Variants in SH3BP1 observed in about 807,000 individuals in gnomAD.
SH3BP1 encodes the protein SH3 domain binding protein 1.
Under a neutral mutation model 69.8 loss-of-function variants are expected in SH3BP1, and 46 were observed. That is an observed-to-expected ratio of 0.66 (90% CI 0.52 to 0.84). SH3BP1 has a LOEUF of 0.84. Ranked by LOEUF, SH3BP1 falls within the 40% of genes least tolerant of loss-of-function variation. The probability of loss-of-function intolerance (pLI) is 0.00; values close to 1 mark genes in which losing one functional copy is unlikely to be tolerated. For synonymous variants in SH3BP1, 403 were observed against 378.0 expected, an observed-to-expected ratio of 1.07 and a Z score of -0.77; for missense variants, 868 against 930.9, an observed-to-expected ratio of 0.93 and a Z score of 0.88.
Position 37,641,180 on chromosome 22 carries a change from G to T in SH3BP1, c.102+12G>T, listed in dbSNP as rs1222128123. On this transcript the variant is annotated intron_variant, in intron 2 of 17. Coordinates refer to ENST00000649765, the MANE Select transcript of SH3BP1 (RefSeq NM_018957.6). ...AGGACCTGCTGCAGGTACGTGCCTG[G>T]GCCGGGCAGGTGGGAAGGCAGGCCT... 6 of 1,550,302 alleles carry T rather than the reference G, an allele frequency of 3.9e-6. No individual in the cohort carries two copies. The highest frequency in any genetic ancestry group is 5.2e-6 in the Non-Finnish European group (6 of 1,147,052).
chr22:37,643,493 G>A, intron 6 of SH3BP1, 151 bp from the exon 7 acceptor site: 4 of 1,125,240 alleles, frequency 3.6e-6, no homozygotes, highest in South Asian at 1.5e-5. Context: ...GAGCACTCAT[G>A]GCCCAGCCTG....
chr22:37,641,883 A>T (rs1451935102), intron 3 of SH3BP1: 1 of 208,032 alleles, frequency 4.8e-6, no homozygotes, highest in Non-Finnish European at 9.9e-6. Context: ...TTACTAACAT[A>T]TGAGTGCACT....
chr22:37,647,459 C>A lies in SH3BP1; in HGVS notation c.1137C>A (p.Ala379=), dbSNP rs1476190492. The change falls in exon 13 of 18, where the codon GCC becomes GCA. Residue 379 remains alanine (A), a synonymous_variant. Coordinates refer to ENST00000649765, the MANE Select transcript of SH3BP1 (RefSeq NM_018957.6). The part of the protein sequence containing the change: ...MRAASLKEPG[A]RLQALQEVCS... The stretch of plus-strand genomic sequence containing the variant: ...CCCCCAGCCTGAAGGAGCCAGGGGC[C>A]CGGCTGCAGGCCCTCCAAGAGGTGT... 1 of 1,611,446 alleles carries A rather than the reference C, an allele frequency of 6.2e-7. No homozygotes were observed. The highest frequency in any genetic ancestry group is 8.5e-7 in the Non-Finnish European group (1 of 1,179,580).
At chr22:37,650,070 T>C (rs1932848605) in intron 14 of SH3BP1, 82 bp from the exon 15 acceptor site, 5 of 1,429,188 alleles carry the variant, frequency 3.5e-6, no homozygotes, top group Non-Finnish European at 4.9e-6. Flanking sequence ...TGGATCCTTG[T>C]GTCTCCATTG....
At position 37,641,165 on chromosome 22, in the gene SH3BP1, G is replaced by A; in HGVS notation, c.99G>A (p.Leu33=). 6.5e-7 allele frequency: 1 copy of A among 1,547,094 alleles called. No individual in the cohort carries two copies. The highest frequency in any genetic ancestry group is 1.2e-5 in the South Asian group (1 of 83,896). Residue 33 remains leucine (L), a synonymous_variant, in exon 2 of 18, where the codon CTG becomes CTA. Coordinates refer to ENST00000649765, the MANE Select transcript of SH3BP1 (RefSeq NM_018957.6). ...ETAEFLGEDL[L]QVEQRLEPAK... The stretch of plus-strand genomic sequence containing the variant: ...CTGAGTTCCTGGGTGAGGACCTGCT[G>A]CAGGTACGTGCCTGGGCCGGGCAGG...
At position 37,650,690 on chromosome 22, in the gene SH3BP1, G is replaced by C. The variant is rs781142308; in HGVS notation, c.1563G>C (p.Pro521=). 10 of 1,612,994 alleles carry C rather than the reference G, an allele frequency of 6.2e-6. No homozygotes were observed. Among genetic ancestry groups the C allele is most frequent in the Non-Finnish European group, 8.5e-6 (10 of 1,179,562 alleles). The part of the protein sequence containing the change: ...PAPAPAPAPA[P]APALASAATK... ...CGGCTCCGGCTCCAGCTCCAGCTCCGGCCCCAGCCTTGGCTTCAGCAGCTA... is the reference window on the plus strand; with the variant it reads ...CGGCTCCGGCTCCAGCTCCAGCTCCCGCCCCAGCCTTGGCTTCAGCAGCTA... Residue 521 remains proline (P), a synonymous_variant, in exon 16 of 18, where the codon CCG becomes CCC. Coordinates refer to ENST00000649765, the MANE Select transcript of SH3BP1 (RefSeq NM_018957.6).
intron 14 of SH3BP1, among the ~76,000 whole-genome samples, chr22:37,649,041 T>A (rs1434620103): frequency 6.6e-6 from 1 of 151,836 alleles, no homozygotes; most frequent in Non-Finnish European, 1.5e-5. Flanking sequence ...GTTCTACTAA[T>A]AGCTCCACCC....
At chr22:37,642,316 G>A in intron 3 of SH3BP1, 1 of 554,472 alleles carries the variant, frequency 1.8e-6, no homozygotes, top group Non-Finnish European at 3.3e-6. Flanking sequence ...GCCCAGTCAA[G>A]TGGCTTCTGG....
chr22:37,641,537 A>C, intron 3 of SH3BP1, 59 bp downstream of exon 3: 4 of 1,403,130 alleles, frequency 2.9e-6, no homozygotes, highest in Non-Finnish European at 3.9e-6. Flanking sequence ...CCAATGGGGA[A>C]GCAAGGTCGG....
At chr22:37,650,769 A>G in intron 16 of SH3BP1, 44 bp downstream of exon 16, 1 of 1,526,386 alleles carries the variant, frequency 6.6e-7, no homozygotes, top group Non-Finnish European at 8.8e-7. Flanking sequence ...TACTCCCACA[A>G]TCAGCCTGCC....
rs1023467420 is a variant in SH3BP1, at chr22:37,644,903, T to C, written c.721T>C (p.Ser241Pro). Residue 241 changes from serine (S) to proline (P), a missense_variant, in exon 9 of 18, where the codon TCA becomes CCA. This residue lies in a region of SH3BP1 where 387 missense variants were observed against 447.9 expected (regional missense o/e 0.86). Coordinates refer to ENST00000649765, the MANE Select transcript of SH3BP1 (RefSeq NM_018957.6). ...LEIQADYHRR[S>P]LSSLDTALAE... is the part of the protein sequence containing the mutation. ...GATTCAGGCCGATTACCATCGCAGG[T>C]CACTGAGCTCGCTGGACACAGCCCT... 2 of 1,613,956 alleles carry C rather than the reference T, an allele frequency of 1.2e-6. No individual in the cohort carries two copies. The highest frequency in any genetic ancestry group is 2.2e-5 in the South Asian group (2 of 91,072).
chr22:37,655,378 G>A lies in SH3BP1; in HGVS notation c.1800G>A (p.Gly600=). ...PPLPPGSGSP[G]TPQALPRRLV... is the part of the protein sequence containing the mutation. ...TGCCCCCTGGCTCTGGCAGCCCTGGGACCCCCCAAGCCCTGCCCCGACGTC... is the reference window on the plus strand; with the variant it reads ...TGCCCCCTGGCTCTGGCAGCCCTGGAACCCCCCAAGCCCTGCCCCGACGTC... The change falls in exon 18 of 18, where the codon GGG becomes GGA. Residue 600 remains glycine (G), a synonymous_variant. Coordinates refer to ENST00000649765, the MANE Select transcript of SH3BP1 (RefSeq NM_018957.6). 4 of 1,449,062 alleles carry A rather than the reference G, an allele frequency of 2.8e-6. No homozygotes were observed. Among genetic ancestry groups the A allele is most frequent in the Non-Finnish European group, 3.7e-6 (4 of 1,086,736 alleles). The allele number at this position is 1,449,062 out of a possible 1,614,324, so 89.8% of individuals were successfully genotyped here.
At chr22:37,649,850 T>C in intron 14 of SH3BP1, 1 of 500,006 alleles carries the variant, frequency 2.0e-6, no homozygotes, top group Non-Finnish European at 3.7e-6. Context: ...TCATCATTAT[T>C]TACCTGGCCA....
intron 10 of SH3BP1, 140 bp from the exon 11 acceptor site, chr22:37,646,678 G>A (rs1932790333): frequency 4.4e-6 from 2 of 456,086 alleles, no homozygotes; most frequent in Non-Finnish European, 7.7e-6. Context: ...CGTGGACACC[G>A]TGGTGCCCAC....
In SH3BP1 at chr22:37,641,106, C is replaced by CG. The variant is rs749417785; in HGVS notation, c.60-20_60-19insG. 2.6e-5 allele frequency: 35 copies of CG among 1,330,592 alleles called. 2 individuals carry two copies. Among genetic ancestry groups the CG allele is most frequent in the East Asian group, 5.0e-5 (2 of 39,952 alleles). The allele number at this position is 1,330,592 out of a possible 1,614,324, so 82.4% of individuals were successfully genotyped here. The stretch of plus-strand genomic sequence containing the variant: ...GCTCAGCAGAAGCACTCTCCCCCCC[C>CG]CCCCCACCACTCCCCGCAGCACCCC... On this transcript the variant is annotated intron_variant, in intron 1 of 17. Coordinates refer to ENST00000649765, the MANE Select transcript of SH3BP1 (RefSeq NM_018957.6).
intron 16 of SH3BP1, among the ~76,000 whole-genome samples, chr22:37,653,055 T>C (rs2146074421): frequency 6.6e-6 from 1 of 151,882 alleles, no homozygotes; most frequent in East Asian, 1.9e-4. Context: ...GAGAATCCCA[T>C]GAACCCAGGA....
chr22:37,641,110 C>T lies in SH3BP1; in HGVS notation c.60-16C>T. The T allele has an allele frequency of 7.0e-7, 1 of 1,422,316 alleles. No individual in the cohort carries two copies. Among genetic ancestry groups the T allele is most frequent in the Non-Finnish European group, 9.6e-7 (1 of 1,046,054 alleles). 88.1% of individuals were successfully genotyped at this position (1,422,316 alleles called of 1,614,324 possible). On this transcript the variant is annotated splice_polypyrimidine_tract_variant and intron_variant, in intron 1 of 17. Transcript: ENST00000649765. ...AGCAGAAGCACTCTCCCCCCCCCCC[C>T]CACCACTCCCCGCAGCACCCCGGAG...
chr22:37,645,863 C>G (rs941468701), intron 10 of SH3BP1, among the ~76,000 whole-genome samples: 7 of 152,272 alleles, frequency 4.6e-5, no homozygotes, highest in African/African-American at 1.4e-4. Flanking sequence ...CATTGCCCCC[C>G]TGTCCTGAAG....
intron 16 of SH3BP1, among the ~76,000 whole-genome samples, chr22:37,653,276 C>A (rs1369564443): frequency 1.3e-5 from 2 of 151,772 alleles, no homozygotes; most frequent in Admixed American, 1.3e-4. Flanking sequence ...TACAAAAAAA[C>A]AACAACAAAA....
Sources: gnomAD v4.1 joint callset for allele counts (sites outside exome capture counted in the v4.1 genomes callset) on GRCh38, gnomAD v4.1.1 for gene constraint, gnomAD v4.1.1 regional missense constraint, MANE v1.5 for transcripts, NCBI Gene and HGNC (gene_info 2026-07-23, HGNC 2026-07-21) for gene names.